The following HDAC11 variants were observed in gnomAD, a reference collection of about 807,000 sequenced individuals.
HDAC11 encodes histone deacetylase 11.
HDAC11 carries 23 observed loss-of-function variants against 41.1 expected under a neutral mutation model. That is an observed-to-expected ratio of 0.56 (90% confidence interval 0.40 to 0.79). The LOEUF is 0.79. HDAC11 is among the 30% of genes least tolerant of loss of function. The probability of loss-of-function intolerance (pLI) is 0.00; values close to 1 mark genes in which losing one functional copy is unlikely to be tolerated. For synonymous variants in HDAC11, 187 were observed against 186.6 expected (o/e 1.00, Z -0.02); for missense variants, 402 against 477.3 (o/e 0.84, Z 1.47).
intron 3 of HDAC11, among the ~76,000 whole-genome samples, chr3:13,486,712 G>C (rs961578521): frequency 9.2e-5 from 14 of 151,536 alleles, no homozygotes; most frequent in African/African-American, 3.4e-4. Flanking sequence ...CAAGTAGCTA[G>C]GATTACAGGC....
chr3:13,505,905 GC>G lies in HDAC11; in HGVS notation c.*1225del. On this transcript the variant is annotated 3_prime_UTR_variant, in exon 10 of 10. Coordinates refer to ENST00000295757, the MANE Select transcript of HDAC11 (RefSeq NM_024827.4). ...CCACCCCTGCTAGCCGGCAGCTGTG[GC>G]CCTGATCAAATCAGGGGCTGGGGAG... 1 of 152,400 alleles carries G rather than the reference GC, an allele frequency of 6.6e-6. No individual in the cohort carries two copies. The highest frequency in any genetic ancestry group is 1.5e-5 in the Non-Finnish European group (1 of 68,198). The allele number at this position is 152,400 out of a possible 1,614,324, so 9.4% of individuals were successfully genotyped here.
Position 13,480,701 on chromosome 3 carries a change from A to G in HDAC11, c.2+352A>G, listed in dbSNP as rs1701270772. 2.2e-6 allele frequency: 1 copy of G among 464,022 alleles called. No homozygotes were observed. 28.7% of individuals were successfully genotyped at this position (464,022 alleles called of 1,614,324 possible). A position where few individuals can be genotyped will look rare whatever the true frequency, so the allele number is the denominator to read the frequency against. ...GGCGGATTTCTGTCTCTGGGTGACG[A>G]CTGCCAGGGTGTGATGGGAAGGGTT... is the stretch of plus-strand genomic sequence containing the variant. On this transcript the variant is annotated intron_variant, in intron 1 of 9. Transcript: ENST00000295757. This position sits in a 1 kb window ranked among gnomAD's most constrained non-coding sequence, Gnocchi z 4.6.
chr3:13,487,086 C>T (rs1197988663), intron 3 of HDAC11, among the ~76,000 whole-genome samples: 1 of 152,136 alleles, frequency 6.6e-6, no homozygotes, highest in Non-Finnish European at 1.5e-5. Context: ...TATGTTGTTC[C>T]AGGGACCTTG....
Position 13,504,197 on chromosome 3 carries a change from C to G in HDAC11, c.753C>G (p.Pro251=). 2 of 1,613,912 alleles carry G rather than the reference C, an allele frequency of 1.2e-6. No homozygotes were observed. The highest frequency in any genetic ancestry group is 1.7e-6 in the Non-Finnish European group (2 of 1,180,012). ...NIKKSLQEHL[P]DVVVYNAGTD... Reference sequence around the variant, plus strand: ...AGAAATCCCTCCAGGAGCACCTGCCCGACGTGGTGGTATACAATGCAGGCA... The same window carrying G: ...AGAAATCCCTCCAGGAGCACCTGCCGGACGTGGTGGTATACAATGCAGGCA... Residue 251 remains proline, a synonymous_variant, in exon 9 of 10, where the codon CCC becomes CCG. Coordinates refer to ENST00000295757, the MANE Select transcript of HDAC11 (RefSeq NM_024827.4).
At chr3:13,496,546 A>C in intron 3 of HDAC11, 190 bp from the exon 4 acceptor site, 1 of 544,742 alleles carries the variant, frequency 1.8e-6, no homozygotes, top group Non-Finnish European at 3.3e-6. Flanking sequence ...TACTGAGCCC[A>C]GAGCTTGCCA....
rs1343411401 is a variant in HDAC11 at position 13,504,510 on chromosome 3, G to A, written c.871G>A (p.Gly291Ser). 32 of 1,613,368 alleles carry A rather than the reference G, an allele frequency of 2.0e-5. No individual in the cohort carries two copies. Among genetic ancestry groups the A allele is most frequent in the Non-Finnish European group, 2.6e-5 (31 of 1,180,036 alleles). Residue 291 changes from glycine to serine, a missense_variant, in exon 10 of 10, where the codon GGC becomes AGC. Physicochemically the swap from Gly to Ser is moderately conservative, Grantham distance 56. Transcript: ENST00000295757. ...RDELVFRMVR[G>S]RRVPILMVTS... is the part of the protein sequence containing the mutation. ...TGAGCTGGTGTTCCGGATGGTCCGTGGCCGCCGGGTGCCCATCCTTATGGT... is the reference window on the plus strand; with the variant it reads ...TGAGCTGGTGTTCCGGATGGTCCGTAGCCGCCGGGTGCCCATCCTTATGGT...
Position 13,505,053 on chromosome 3 carries a change from T to G in HDAC11, c.*370T>G, listed in dbSNP as rs1702556694. The G allele has an allele frequency of 3.2e-6, 1 of 307,730 alleles. No homozygotes were observed. Among genetic ancestry groups the G allele is most frequent in the Non-Finnish European group, 6.3e-6 (1 of 159,416 alleles). The allele number at this position is 307,730 out of a possible 1,614,324, so 19.1% of individuals were successfully genotyped here. On this transcript the variant is annotated 3_prime_UTR_variant, in exon 10 of 10. Transcript: ENST00000295757. ...TGAGAACGGCAGACCCAGGTCGGAGTGAGGAAGCTTCCACCTCCATCCTGA... is the reference window on the plus strand; with the variant it reads ...TGAGAACGGCAGACCCAGGTCGGAGGGAGGAAGCTTCCACCTCCATCCTGA...
chr3:13,481,856 C>T (rs1370837391), intron 2 of HDAC11, among the ~76,000 whole-genome samples: 5 of 152,200 alleles, frequency 3.3e-5, no homozygotes, highest in African/African-American at 9.7e-5. Context: ...GCACCACAAT[C>T]GCAGCAGAGG....
chr3:13,489,639 T>C (rs1701754793), intron 3 of HDAC11, among the ~76,000 whole-genome samples: 1 of 152,346 alleles, frequency 6.6e-6, no homozygotes, highest in South Asian at 2.1e-4. Flanking sequence ...CCATCTTGGC[T>C]CACTGCAACC....
At chr3:13,486,571 G>GTTTTTTT (rs767002835) in intron 3 of HDAC11, among the ~76,000 whole-genome samples, 21 of 83,066 alleles carry the variant, frequency 2.5e-4, no homozygotes, top group African/African-American at 8.1e-4. Context: ...ATGTAGAGGT[G>GTTTTTTT]TTTTTTTTTT....
chr3:13,496,827 G>A lies in HDAC11; in HGVS notation c.344G>A (p.Arg115Gln). 2 of 1,592,294 alleles carry A rather than the reference G, an allele frequency of 1.3e-6. No individual in the cohort carries two copies. Among genetic ancestry groups the A allele is most frequent in the East Asian group, 2.4e-5 (1 of 42,508 alleles). Reference protein sequence around the residue: ...LVQRKVLRPLRTQTGGTIMAG... With the variant: ...LVQRKVLRPLQTQTGGTIMAG... ...CAGAGGAAGGTGCTGAGGCCCCTTC[G>A]GACCCAGACAGGAGGAACCATAATG... is the stretch of plus-strand genomic sequence containing the variant. The change falls in exon 4 of 10, where the codon CGG becomes CAG. Residue 115 changes from arginine to glutamine, a missense_variant. Physicochemically the swap from Arg to Gln is conservative, Grantham distance 43 (BLOSUM62 1). Transcript: ENST00000295757.
In HDAC11 at chr3:13,485,859, G is replaced by A. The variant is rs7631819; in HGVS notation, c.252+2295G>A. On this transcript the variant is annotated intron_variant, in intron 3 of 9. Transcript: ENST00000295757. ...AGGTTGAGGGTAGGAGGAGAATTCA[G>A]GTATGTCCACTGAAAAAGTTAACCA... 7.1e-3 allele frequency among the ~76,000 whole-genome samples: 1,084 copies of A among 152,196 alleles called. 9 individuals are homozygous for A. The highest frequency in any genetic ancestry group is 0.024 in the African/African-American group (1,012 of 41,476).
At chr3:13,490,313 C>T (rs549073562) in intron 3 of HDAC11, among the ~76,000 whole-genome samples, 11 of 152,098 alleles carry the variant, frequency 7.2e-5, no homozygotes, top group South Asian at 2.1e-4. Context: ...TTTTTAAGAT[C>T]GTTTTGGCTG....
In HDAC11 at chr3:13,480,999, G is replaced by C; in HGVS notation, c.3-247G>C. 2 of 544,946 alleles carry C rather than the reference G, an allele frequency of 3.7e-6. No individual in the cohort carries two copies. The highest frequency in any genetic ancestry group is 6.6e-6 in the Non-Finnish European group (2 of 301,544). 33.8% of individuals were successfully genotyped at this position (544,946 alleles called of 1,614,324 possible). A position where few individuals can be genotyped will look rare whatever the true frequency, so the allele number is the denominator to read the frequency against. On this transcript the variant is annotated intron_variant, in intron 1 of 9. Coordinates refer to ENST00000295757, the MANE Select transcript of HDAC11 (RefSeq NM_024827.4). The surrounding 1 kb of genome is among the most constrained non-coding windows in gnomAD (Gnocchi z 4.6). ...CTGCACTGTGACCTTGGGCACACCT[G>C]GTCTGCTCTCTGAGCCTCTGGTGCG...
rs557763567 is a variant in HDAC11, at chr3:13,486,980, T to A, written c.252+3416T>A. Among the ~76,000 whole-genome samples, 3 of 152,194 alleles carry A rather than the reference T, an allele frequency of 2.0e-5. No individual in the cohort carries two copies. The East Asian group carries it at 5.8e-4, about 29-fold the overall frequency. Reference sequence around the variant, plus strand: ...GGAGAAGAATGCTTGGGAGGCCGGATGGAAGGGAATAAAACATTGTGGCTC... The same window carrying A: ...GGAGAAGAATGCTTGGGAGGCCGGAAGGAAGGGAATAAAACATTGTGGCTC... On this transcript the variant is annotated intron_variant, in intron 3 of 9. Transcript: ENST00000295757.
intron 8 of HDAC11, chr3:13,503,225 GA>G (rs1013648079): frequency 1.2e-5 from 4 of 321,438 alleles, no homozygotes; most frequent in South Asian, 6.5e-5. Context: ...AAGAATGAAA[GA>G]AAAAAAAGAA....
At chr3:13,503,293 G>A (rs750906516) in intron 8 of HDAC11, 10 of 230,696 alleles carry the variant, frequency 4.3e-5, no homozygotes, top group Non-Finnish European at 8.7e-5. Context: ...GGCTGGGCGC[G>A]GTGGCTCACG....
intron 3 of HDAC11, among the ~76,000 whole-genome samples, chr3:13,492,889 C>T (rs1318701928): frequency 6.6e-6 from 1 of 152,190 alleles, no homozygotes; most frequent in East Asian, 1.9e-4. Flanking sequence ...GCCTCTCTGA[C>T]TGGTTTCCAC....
intron 2 of HDAC11, 74 bp from the exon 3 acceptor site, chr3:13,483,390 C>T: frequency 7.8e-7 from 1 of 1,289,660 alleles, no homozygotes; most frequent in South Asian, 1.2e-5. Flanking sequence ...AAGTCTGCAG[C>T]CTGTGGGAGG....
Sources: allele counts gnomAD v4.1 joint callset (sites outside exome capture counted in the v4.1 genomes callset), GRCh38; gene constraint gnomAD v4.1.1; non-coding constraint Gnocchi (gnomAD v3.1); transcripts MANE v1.5; gene names NCBI Gene and HGNC (gene_info 2026-07-23, HGNC 2026-07-21).